The following BIRC6 variants were observed in gnomAD, a reference collection of about 807,000 sequenced individuals.
BIRC6 encodes the protein dual E2 ubiquitin-conjugating enzyme/E3 ubiquitin-protein ligase BIRC6.
A neutral mutation model predicts 503.3 loss-of-function variants in BIRC6; 98 were observed. That is an observed-to-expected ratio of 0.19 (90% confidence interval 0.17 to 0.23). BIRC6 has a LOEUF of 0.23. Among genes scored for constraint, BIRC6 ranks in the 10% least tolerant of loss-of-function variants. The pLI is 1.00. For synonymous variants in BIRC6, 2,240 were observed against 2,078.7 expected (o/e 1.08, Z -2.11); for missense variants, 5,360 against 5,806.0 (o/e 0.92, Z 2.50).
intron 1 of BIRC6, among the ~76,000 whole-genome samples, chr2:32,376,378 TTTTA>T (rs1295117359): frequency 6.6e-6 from 1 of 152,136 alleles, no homozygotes; most frequent in Non-Finnish European, 1.5e-5. Flanking sequence ...CTACAGCTAA[TTTTA>T]TTTAGTTATG....
chr2:32,508,275 CCTTTTTTT>C lies in BIRC6; in HGVS notation c.9980+17_9980+24del, dbSNP rs1218763884. Reference sequence around the variant, plus strand: ...CCAAAACAAGGTATGTTTTGTTTGTCCTTTTTTTTTTTTTTTTTTTTTTTTTTTGGCAT... The same window carrying C: ...CCAAAACAAGGTATGTTTTGTTTGTCTTTTTTTTTTTTTTTTTTTTGGCAT... On this transcript the variant is annotated intron_variant, in intron 51 of 73. Transcript: ENST00000421745. 8 of 577,798 alleles carry C rather than the reference CCTTTTTTT, an allele frequency of 1.4e-5. No homozygotes were observed. In the South Asian group the frequency reaches 1.7e-4, roughly 12 times the overall value. 35.8% of individuals were successfully genotyped at this position (577,798 alleles called of 1,614,324 possible).
chr2:32,576,218 T>A (rs550702083), intron 66 of BIRC6, among the ~76,000 whole-genome samples: 3 of 152,366 alleles, frequency 2.0e-5, no homozygotes, highest in African/African-American at 7.2e-5. Context: ...TTCTGTTTTA[T>A]TTTAGAAGTC....
chr2:32,464,458 A>G (rs986698972), intron 24 of BIRC6, 51 bp from the exon 25 acceptor site: 14 of 1,484,148 alleles, frequency 9.4e-6, no homozygotes, highest in Non-Finnish European at 1.1e-5. Context: ...TTCTGCCACA[A>G]TTTAGGTAGG....
rs1459689159 is a variant in BIRC6 at position 32,373,141 on chromosome 2, CCAAA to C, written c.326-4443_326-4440del. On this transcript the variant is annotated intron_variant, in intron 1 of 73. Transcript: ENST00000421745. ...ATATTGTTAAGATATCTATACTGCC[CCAAA>C]CAATTTGCAGACTCATTGCAATTTG... 4.6e-5 allele frequency among the ~76,000 whole-genome samples: 7 copies of C among 152,066 alleles called. No homozygotes were observed. In the South Asian group the frequency reaches 6.2e-4, roughly 14 times the overall value.
intron 10 of BIRC6, among the ~76,000 whole-genome samples, chr2:32,419,255 C>T (rs2042695932): frequency 6.6e-6 from 1 of 152,122 alleles, no homozygotes. Flanking sequence ...ACCCTGTCTT[C>T]TGAGTATATT....
At chr2:32,429,842 G>A (rs2043905687) in intron 11 of BIRC6, among the ~76,000 whole-genome samples, 1 of 152,084 alleles carries the variant, frequency 6.6e-6, no homozygotes, top group Non-Finnish European at 1.5e-5. Context: ...TCAATCTCCA[G>A]TTACTTGAGT....
At chr2:32,478,856 T>G in intron 36 of BIRC6, 38 bp downstream of exon 36, 1 of 1,584,304 alleles carries the variant, frequency 6.3e-7, no homozygotes, top group Non-Finnish European at 8.6e-7. Flanking sequence ...ATGTCAAAAT[T>G]ACCTTGTCAT....
intron 4 of BIRC6, among the ~76,000 whole-genome samples, 173 bp from the exon 5 acceptor site, chr2:32,391,866 G>A (rs371239525): frequency 1.3e-5 from 2 of 152,100 alleles, no homozygotes; most frequent in Non-Finnish European, 2.9e-5. Flanking sequence ...TCTGTTTAAG[G>A]GAAATTCCCA....
intron 1 of BIRC6, among the ~76,000 whole-genome samples, chr2:32,374,622 GCCACCACGCCC>G (rs2036472300): frequency 1.3e-5 from 2 of 151,752 alleles, no homozygotes; most frequent in African/African-American, 4.8e-5. Context: ...ACAGGCGCCC[GCCACCACGCCC>G]GGCTAATTTT....
chr2:32,441,423 C>T lies in BIRC6; in HGVS notation c.3905C>T (p.Thr1302Ile). 1 of 1,610,368 alleles carries T rather than the reference C, an allele frequency of 6.2e-7. No individual in the cohort carries two copies. ...GCDLLQEVSVTIRRFKKTSIS... is the reference protein window; with the variant it reads ...GCDLLQEVSVIIRRFKKTSIS... ...GATTTACTTCAAGAGGTCTCAGTCA[C>T]CATTCGAAGATTTAAGAAAACCTCA... The change falls in exon 17 of 74, where the codon ACC becomes ATC. Residue 1302 changes from threonine to isoleucine, a missense_variant. This residue lies in a region of BIRC6 where 2,299 missense variants were observed against 2,267.2 expected (regional missense o/e 1.01). Transcript: ENST00000421745.
rs1339165080 is a variant in BIRC6, at chr2:32,468,124, T to G, written c.5780+13T>G. 6.2e-7 allele frequency: 1 copy of G among 1,610,032 alleles called. No homozygotes were observed. The highest frequency in any genetic ancestry group is 8.5e-7 in the Non-Finnish European group (1 of 1,177,268). On this transcript the variant is annotated intron_variant, in intron 28 of 73. Transcript: ENST00000421745. ...ATATACAGTGCAGGTTAGTACAGAGTGCAAATTTTAATGTTATTGAAACTT... is the reference window on the plus strand; with the variant it reads ...ATATACAGTGCAGGTTAGTACAGAGGGCAAATTTTAATGTTATTGAAACTT...
chr2:32,560,654 C>T (rs1232642256), intron 65 of BIRC6, among the ~76,000 whole-genome samples: 7 of 152,130 alleles, frequency 4.6e-5, no homozygotes, highest in Non-Finnish European at 7.3e-5. Flanking sequence ...GCTCATAGGG[C>T]ACTGCAGCCT....
At chr2:32,454,064 T>A in intron 23 of BIRC6, 122 bp downstream of exon 23, 1 of 834,816 alleles carries the variant, frequency 1.2e-6, no homozygotes, top group Non-Finnish European at 1.7e-6. Context: ...GGAAATTTAT[T>A]TGTGGGAGGG....
intron 10 of BIRC6, among the ~76,000 whole-genome samples, chr2:32,423,637 T>TC (rs1340234688): frequency 6.6e-6 from 1 of 152,244 alleles, no homozygotes; most frequent in African/African-American, 2.4e-5. Context: ...GGTTCCTTTT[T>TC]ATGCCAAATA....
rs1374468264 is a variant in BIRC6, at chr2:32,433,749, A to C, written c.3354A>C (p.Pro1118=). 1.2e-6 allele frequency: 2 copies of C among 1,600,522 alleles called. No homozygotes were observed. The highest frequency in any genetic ancestry group is 1.3e-5 in the African/African-American group (1 of 74,972). Residue 1118 remains proline, a synonymous_variant, in exon 13 of 74, where the codon CCA becomes CCC. Coordinates refer to ENST00000421745, the MANE Select transcript of BIRC6 (RefSeq NM_016252.4). The part of the protein sequence containing the change: ...FVLNSNITNI[P]QIQVTLLKNK... ...TGAACTCAAACATCACCAATATTCCACAGATACAAGTGACACTGCTGAAAA... is the reference window on the plus strand; with the variant it reads ...TGAACTCAAACATCACCAATATTCCCCAGATACAAGTGACACTGCTGAAAA...
At position 32,478,752 on chromosome 2, in the gene BIRC6, G is replaced by T; in HGVS notation, c.7186G>T (p.Asp2396Tyr). The change falls in exon 36 of 74, where the codon GAT (aspartate) becomes TAT (tyrosine). Residue 2396 changes from aspartate to tyrosine, a missense_variant. Transcript: ENST00000421745. ...GGTTGGAACTGACTTCAATAGAGGA[G>T]ATATATCTTGGGGTGGTGCTTGGGC... ...LLVGTDFNRG[D>Y]ISWGGAWAQY... 6.2e-7 allele frequency: 1 copy of T among 1,613,910 alleles called. No homozygotes were observed. The highest frequency in any genetic ancestry group is 8.5e-7 in the Non-Finnish European group (1 of 1,179,850).
intron 4 of BIRC6, among the ~76,000 whole-genome samples, chr2:32,389,722 G>A (rs1481583956): frequency 1.3e-5 from 2 of 152,192 alleles, no homozygotes; most frequent in Non-Finnish European, 2.9e-5. Flanking sequence ...TTGAGACGGA[G>A]TTTCACTCTT....
rs777283514 is a variant in BIRC6, at chr2:32,473,103, C to T, written c.6593-9C>T. ...AGAATTATTAATACAAGTTTTCCTTCGCCTGTAGGTAATCAGTGGAGTTTT... is the reference window on the plus strand; with the variant it reads ...AGAATTATTAATACAAGTTTTCCTTTGCCTGTAGGTAATCAGTGGAGTTTT... On this transcript the variant is annotated splice_polypyrimidine_tract_variant and intron_variant, in intron 32 of 73. Transcript: ENST00000421745. The T allele has an allele frequency of 3.9e-5, 61 of 1,557,138 alleles. No homozygotes were observed. The highest frequency in any genetic ancestry group is 2.1e-4 in the Admixed American group (10 of 48,112).
chr2:32,608,444 C>T (rs1206307455), intron 72 of BIRC6, among the ~76,000 whole-genome samples: 2 of 152,018 alleles, frequency 1.3e-5, no homozygotes, highest in Admixed American at 6.6e-5. Context: ...CATCCCGTTT[C>T]GTTCTCGTTG....
Sources: allele counts gnomAD v4.1 joint callset (sites outside exome capture counted in the v4.1 genomes callset), GRCh38; gene constraint gnomAD v4.1.1; regional missense constraint gnomAD v4.1.1; transcripts MANE v1.5; gene names NCBI Gene and HGNC (gene_info 2026-07-23, HGNC 2026-07-21).